Variants in CLCN5 observed in about 807,000 individuals in gnomAD.
CLCN5 encodes H(+)/Cl(-) exchange transporter 5.
Under a neutral mutation model 54.0 loss-of-function variants are expected in CLCN5, and 17 were observed. That is an observed-to-expected ratio of 0.31 (90% CI 0.22 to 0.47). The LOEUF (loss-of-function observed/expected upper bound fraction) is 0.47. Ranked by LOEUF, CLCN5 falls within the 20% of genes least tolerant of loss-of-function variation. CLCN5 has a pLI of 1.00. For synonymous variants in CLCN5, 222 were observed against 233.0 expected, an observed-to-expected ratio of 0.95 and a Z score of 0.43; for missense variants, 448 against 646.7, an observed-to-expected ratio of 0.69 and a Z score of 3.33.
At chrX:50,012,957 C>T (rs1930585422) in intron 3 of CLCN5, among the ~76,000 whole-genome samples, 2 of 111,690 alleles carry the variant, frequency 1.8e-5, no homozygotes, top group South Asian at 3.8e-4. Flanking sequence ...TTCCCAATGC[C>T]GAGTCCATGC....
Position 50,018,258 on chromosome X carries a change from A to T in CLCN5, c.17-24058A>T, listed in dbSNP as rs916769078. ...AATAGCATTGTGTTCTGATTTTTCA[A>T]ATTCCAGTTTGTCATTGCTAGTGTA... is the stretch of plus-strand genomic sequence containing the variant. On this transcript the variant is annotated intron_variant, in intron 3 of 14. Coordinates refer to ENST00000376091, the MANE Select transcript of CLCN5 (RefSeq NM_001127898.4). Among the ~76,000 whole-genome samples, 3 of 111,801 alleles carry T rather than the reference A, an allele frequency of 2.7e-5. No homozygotes were observed. The South Asian group carries it at 1.1e-3, about 41-fold the overall frequency.
At chrX:49,969,233 A>G (rs1557175909) in intron 3 of CLCN5, among the ~76,000 whole-genome samples, 1 of 111,198 alleles carries the variant, frequency 9.0e-6, no homozygotes, top group Non-Finnish European at 1.9e-5. Flanking sequence ...GCATGCCACC[A>G]CATCCAACTA....
intron 3 of CLCN5, among the ~76,000 whole-genome samples, chrX:50,001,335 A>G (rs1392255779): frequency 9.0e-6 from 1 of 111,071 alleles, no homozygotes; most frequent in Non-Finnish European, 1.9e-5. Flanking sequence ...AAAATTAAAA[A>G]GCACTACCTT....
At chrX:49,998,333 T>C (rs1436298015) in intron 3 of CLCN5, among the ~76,000 whole-genome samples, 1 of 111,660 alleles carries the variant, frequency 9.0e-6, no homozygotes, top group Non-Finnish European at 1.9e-5. Flanking sequence ...TTCCTGCTCA[T>C]ACATGCACAG....
chrX:50,007,874 G>A (rs904045695), intron 3 of CLCN5, among the ~76,000 whole-genome samples: 1 of 111,897 alleles, frequency 8.9e-6, no homozygotes, highest in Non-Finnish European at 1.9e-5. Flanking sequence ...GGAAAATCAG[G>A]TCGATTCTCT....
chrX:49,949,968 TACC>T (rs1328272995), intron 3 of CLCN5, among the ~76,000 whole-genome samples: 1 of 112,268 alleles, frequency 8.9e-6, no homozygotes, highest in East Asian at 2.8e-4. Context: ...TATTCAATGT[TACC>T]AGTCATCTTA....
chrX:49,999,158 G>A (rs1170171887), intron 3 of CLCN5, among the ~76,000 whole-genome samples: 1 of 110,816 alleles, frequency 9.0e-6, no homozygotes, highest in East Asian at 2.9e-4. Context: ...AAGATGATGA[G>A]GCTCCTGATC....
chrX:50,002,655 CTGTCTCTG>C (rs1929901892), intron 3 of CLCN5, among the ~76,000 whole-genome samples: 2 of 101,949 alleles, frequency 2.0e-5, no homozygotes, highest in African/African-American at 4.1e-5. Context: ...GTCTCTGTCT[CTGTCTCTG>C]TCTCTCTCTC....
At position 50,074,127 on chromosome X, in the gene CLCN5, A is replaced by C. The variant is rs1432813541; in HGVS notation, c.415+1539A>C. On this transcript the variant is annotated intron_variant, in intron 6 of 14. Coordinates refer to ENST00000376091, the MANE Select transcript of CLCN5 (RefSeq NM_001127898.4). ...TACCTTGAAAAGCCATCTCAGAAAA[A>C]TATTAGAAGCTAAATCTATTCGGTT... Among the ~76,000 whole-genome samples the C allele has an allele frequency of 2.7e-5, 3 of 112,171 alleles. No homozygotes were observed. In the East Asian group the frequency reaches 8.4e-4, roughly 31 times the overall value.
At chrX:49,923,194 C>T (rs782413935) in intron 1 of CLCN5, among the ~76,000 whole-genome samples, 9 of 113,288 alleles carry the variant, frequency 7.9e-5, no homozygotes, top group Non-Finnish European at 1.7e-4. Flanking sequence ...GGCTCTTCTC[C>T]CTCCGGCTCT....
At chrX:50,007,203 C>A (rs1202827230) in intron 3 of CLCN5, among the ~76,000 whole-genome samples, 1 of 111,873 alleles carries the variant, frequency 8.9e-6, no homozygotes, top group Non-Finnish European at 1.9e-5. Context: ...TACACAAATA[C>A]TCGTATATGC....
chrX:50,052,906 G>A (rs782299623), intron 4 of CLCN5, among the ~76,000 whole-genome samples: 11 of 111,748 alleles, frequency 9.8e-5, no homozygotes, highest in Middle Eastern at 4.7e-3. Context: ...ATATAAAAAC[G>A]TGTACACCTT....
intron 3 of CLCN5, among the ~76,000 whole-genome samples, chrX:49,965,741 G>GT (rs1404399118): frequency 7.2e-5 from 8 of 111,698 alleles, no homozygotes; most frequent in Non-Finnish European, 1.1e-4. Context: ...TTTGCTGAAG[G>GT]TTTTTTTTGT....
At position 50,086,787 on chromosome X, in the gene CLCN5, G is replaced by A. The variant is rs368039993; in HGVS notation, c.1474G>A (p.Val492Met). ...TGAACTGCCTGACAGACCGGCTGGC[G>A]TGGGAGTCTACAGTGCAATGTGGCA... ...GGELPDRPAG[V>M]GVYSAMWQLA... Residue 492 changes from valine to methionine, a missense_variant, in exon 11 of 15, where the codon GTG (valine) becomes ATG (methionine). Val to Met is a conservative substitution (Grantham distance 21). This residue lies in a region of CLCN5 where 297 missense variants were observed against 470.4 expected (regional missense o/e 0.63). Transcript: ENST00000376091. 37 of 1,208,755 alleles carry A rather than the reference G, an allele frequency of 3.1e-5. No individual in the cohort carries two copies. Among genetic ancestry groups the A allele is most frequent in the African/African-American group, 1.9e-4 (11 of 56,942 alleles).
Position 50,092,190 on chromosome X carries a change from C to G in CLCN5, c.2422C>G (p.Gln808Glu). The G allele has an allele frequency of 3.3e-6, 4 of 1,198,241 alleles. No homozygotes were observed. Among genetic ancestry groups the G allele is most frequent in the Non-Finnish European group, 3.4e-6 (3 of 883,196 alleles). The change falls in exon 15 of 15, where the codon CAA (glutamine) becomes GAA (glutamate). Residue 808 changes from glutamine to glutamate, a missense_variant. Physicochemically the swap from Gln to Glu is conservative, Grantham distance 29 (BLOSUM62 2). This residue lies in a region of CLCN5 where 297 missense variants were observed against 470.4 expected (regional missense o/e 0.63). Coordinates refer to ENST00000376091, the MANE Select transcript of CLCN5 (RefSeq NM_001127898.4). Reference sequence around the variant, plus strand: ...AAAGCATATAGCACAGATGGCGAACCAAGATCCTGATTCCATTCTCTTCAA... The same window carrying G: ...AAAGCATATAGCACAGATGGCGAACGAAGATCCTGATTCCATTCTCTTCAA... ...VLKHIAQMAN[Q>E]DPDSILFN
chrX:49,992,224 T>G (rs1929301735), intron 3 of CLCN5, among the ~76,000 whole-genome samples: 1 of 107,181 alleles, frequency 9.3e-6, no homozygotes, highest in Admixed American at 1.0e-4. Context: ...TTTTTTTTTT[T>G]GCCTTCCAAA....
intron 3 of CLCN5, among the ~76,000 whole-genome samples, chrX:49,935,292 T>G (rs1227220481): frequency 8.9e-6 from 1 of 112,058 alleles, no homozygotes; most frequent in African/African-American, 3.2e-5. Flanking sequence ...CTTTCAGCCA[T>G]GAGCTTTTCC....
chrX:50,069,706 A>T (rs1933156785), intron 4 of CLCN5, 173 bp from the exon 5 acceptor site: 1 of 1,035,410 alleles, frequency 9.7e-7, no homozygotes, highest in South Asian at 3.1e-5. Flanking sequence ...TTGTGCCTAC[A>T]CCACAGAAAC....
At chrX:49,942,866 C>T (rs1434505124) in intron 3 of CLCN5, among the ~76,000 whole-genome samples, 7 of 108,211 alleles carry the variant, frequency 6.5e-5, no homozygotes, top group Non-Finnish European at 9.6e-5. Context: ...AATAAACATA[C>T]GTGTACATGT....
Sources: gnomAD v4.1 joint callset for allele counts (sites outside exome capture counted in the v4.1 genomes callset) on GRCh38, gnomAD v4.1.1 for gene constraint, gnomAD v4.1.1 regional missense constraint, MANE v1.5 for transcripts, NCBI Gene and HGNC (gene_info 2026-07-23, HGNC 2026-07-21) for gene names.